Variants in CSMD1 observed in about 807,000 individuals in gnomAD.
CSMD1 encodes CUB and Sushi multiple domains 1.
In CSMD1, 213 loss-of-function variants were observed where a neutral mutation model predicts 417.5. That is an observed-to-expected ratio of 0.51 (90% CI 0.46 to 0.57). The LOEUF is 0.57. Ranked by LOEUF, CSMD1 falls within the 20% of genes least tolerant of loss-of-function variation. The pLI is 0.00. For synonymous variants in CSMD1, 2,862 were observed against 1,736.8 expected, an observed-to-expected ratio of 1.65 and a Z score of -16.11; for missense variants, 6,923 against 4,529.7, an observed-to-expected ratio of 1.53 and a Z score of -15.17.
Position 4,958,143 on chromosome 8 carries a change from G to C in CSMD1, c.85+36189C>G, listed in dbSNP as rs111422217. 8.2e-3 allele frequency among the ~76,000 whole-genome samples: 1,246 copies of C among 151,896 alleles called. 22 individuals are homozygous for C. Among genetic ancestry groups the C allele is most frequent in the African/African-American group, 0.028 (1,150 of 41,344 alleles). On this transcript the variant is annotated intron_variant, in intron 1 of 69. Transcript: ENST00000635120. ...GGTCTTTCCTGTCCTTAGAACATAT[G>C]TTTCCCTCAAACAAAATGTTGTTTC...
At chr8:3,927,300 C>G (rs868457273) in intron 5 of CSMD1, among the ~76,000 whole-genome samples, 3 of 151,828 alleles carry the variant, frequency 2.0e-5, no homozygotes, top group Non-Finnish European at 2.9e-5. Flanking sequence ...TGCCAGACAG[C>G]ATGAAAATTA....
At chr8:3,043,899 C>T (rs1318432641) in intron 50 of CSMD1, 3 of 152,306 alleles carry the variant, frequency 2.0e-5, no homozygotes, top group Non-Finnish European at 4.4e-5. Flanking sequence ...GAGCTGTCAT[C>T]TTGACAGAAT....
chr8:4,357,098 T>A (rs1801472944), intron 3 of CSMD1, among the ~76,000 whole-genome samples: 1 of 152,210 alleles, frequency 6.6e-6, no homozygotes, highest in African/African-American at 2.4e-5. Context: ...CTGTGTTATG[T>A]ATTACAACTC....
chr8:4,383,610 C>G (rs1430447), intron 3 of CSMD1, among the ~76,000 whole-genome samples: 1 of 151,894 alleles, frequency 6.6e-6, no homozygotes, highest in African/African-American at 2.4e-5. Context: ...TTAATAAAGA[C>G]GTGCTGATTA....
chr8:4,945,843 T>C (rs956092844), intron 1 of CSMD1, among the ~76,000 whole-genome samples: 1 of 152,140 alleles, frequency 6.6e-6, no homozygotes, highest in African/African-American at 2.4e-5. Flanking sequence ...GGTCACGCCT[T>C]GCCACTGAAA....
intron 51 of CSMD1, among the ~76,000 whole-genome samples, chr8:3,023,748 G>A (rs994978418): frequency 6.6e-6 from 1 of 150,968 alleles, no homozygotes; most frequent in Non-Finnish European, 1.5e-5. Context: ...TAGACAAGCA[G>A]AAAGGGAAAT....
intron 1 of CSMD1, among the ~76,000 whole-genome samples, chr8:4,915,185 T>C (rs948547202): frequency 7.2e-5 from 11 of 152,120 alleles, no homozygotes; most frequent in African/African-American, 2.7e-4. Flanking sequence ...GAAATGCATA[T>C]ATACACATAC....
chr8:2,999,955 T>TA lies in CSMD1; in HGVS notation c.8203+2dup. The TA allele has an allele frequency of 6.2e-7, 1 of 1,607,752 alleles. No individual in the cohort carries two copies. The highest frequency in any genetic ancestry group is 8.5e-7 in the Non-Finnish European group (1 of 1,177,690). On this transcript the variant is annotated splice_region_variant and intron_variant, in intron 53 of 69. Coordinates refer to ENST00000635120, the MANE Select transcript of CSMD1 (RefSeq NM_033225.6). ...TGAATTCGTCCACAAAGAGTGCACT[T>TA]ACGGACACAGACAGGCGTTTGTCCA...
chr8:3,832,835 A>G (rs1459031769), intron 5 of CSMD1, among the ~76,000 whole-genome samples: 1 of 152,220 alleles, frequency 6.6e-6, no homozygotes, highest in Non-Finnish European at 1.5e-5. Flanking sequence ...ATCAATTTGT[A>G]TGGTTATAGA....
intron 1 of CSMD1, among the ~76,000 whole-genome samples, chr8:4,779,990 A>G (rs983849564): frequency 1.3e-5 from 2 of 152,024 alleles, no homozygotes; most frequent in African/African-American, 4.8e-5. Flanking sequence ...TTTTCAGCAA[A>G]CATTCTTTTC....
At chr8:4,353,462 G>T (rs750965397) in intron 3 of CSMD1, among the ~76,000 whole-genome samples, 17 of 149,766 alleles carry the variant, frequency 1.1e-4, no homozygotes, top group South Asian at 6.3e-4. Flanking sequence ...AGCAGTGTGA[G>T]AAAAGAATAA....
At position 3,510,640 on chromosome 8, in the gene CSMD1, A is replaced by T. The variant is rs1195637219; in HGVS notation, c.1345-16914T>A. Among the ~76,000 whole-genome samples the T allele has an allele frequency of 2.0e-5, 3 of 151,772 alleles. 1 individual carries two copies. The highest frequency in any genetic ancestry group is 7.3e-5 in the African/African-American group (3 of 41,068). Reference sequence around the variant, plus strand: ...TTGCAGAAGAATAACATACGATAAAAAAATCACATTTCAGATTATGTAAGA... The same window carrying T: ...TTGCAGAAGAATAACATACGATAAATAAATCACATTTCAGATTATGTAAGA... On this transcript the variant is annotated intron_variant, in intron 10 of 69. Transcript: ENST00000635120.
At chr8:4,392,236 C>T (rs909723246) in intron 3 of CSMD1, among the ~76,000 whole-genome samples, 2 of 152,112 alleles carry the variant, frequency 1.3e-5, no homozygotes, top group Non-Finnish European at 2.9e-5. Context: ...TTTCAATTTA[C>T]TTGTGAGGAT....
intron 49 of CSMD1, among the ~76,000 whole-genome samples, chr8:3,080,447 G>C (rs150393543): frequency 6.6e-6 from 1 of 152,196 alleles, no homozygotes; most frequent in African/African-American, 2.4e-5. Flanking sequence ...GTCAAGCAAA[G>C]TGAGAAAAAC....
chr8:3,303,636 G>T (rs1308105044), intron 25 of CSMD1, among the ~76,000 whole-genome samples: 1 of 152,166 alleles, frequency 6.6e-6, no homozygotes, highest in East Asian at 1.9e-4. Context: ...AGCAATTAAA[G>T]CTTAGGAACA....
chr8:4,630,885 C>G (rs560938953), intron 2 of CSMD1, among the ~76,000 whole-genome samples: 4 of 152,198 alleles, frequency 2.6e-5, no homozygotes, highest in African/African-American at 9.7e-5. Context: ...CTCCCTCACC[C>G]TGTGCTGGTC....
chr8:3,751,785 G>A (rs1025665640), intron 6 of CSMD1, among the ~76,000 whole-genome samples: 3 of 151,992 alleles, frequency 2.0e-5, no homozygotes, highest in African/African-American at 7.2e-5. Flanking sequence ...AGATACAAAT[G>A]CCAAGTTCAC....
intron 11 of CSMD1, 83 bp from the exon 12 acceptor site, chr8:3,468,907 T>A: frequency 1.2e-6 from 1 of 840,366 alleles, no homozygotes; most frequent in Non-Finnish European, 1.9e-6. Flanking sequence ...CTTGCTGCTT[T>A]AAACAGCCAA....
Position 3,409,686 on chromosome 8 carries a change from C to A in CSMD1, c.1562-81G>T, listed in dbSNP as rs181179798. 6.1e-5 allele frequency: 70 copies of A among 1,147,524 alleles called. No homozygotes were observed. The Middle Eastern group carries it at 1.1e-3, about 19-fold the overall frequency. 71.1% of individuals were successfully genotyped at this position (1,147,524 alleles called of 1,614,324 possible). The stretch of plus-strand genomic sequence containing the variant: ...ATCTCTACAACTTAGAAAGTAAATA[C>A]GTGGCTTCTTTTTGCTGAACTAAAC... On this transcript the variant is annotated intron_variant, in intron 12 of 69. Transcript: ENST00000635120.
Sources: allele counts gnomAD v4.1 joint callset (sites outside exome capture counted in the v4.1 genomes callset), GRCh38; gene constraint gnomAD v4.1.1; transcripts MANE v1.5; gene names NCBI Gene and HGNC (gene_info 2026-07-23, HGNC 2026-07-21).